INTU: variants seen among roughly 807,000 people sequenced by gnomAD.
INTU encodes inturned planar cell polarity protein, also known as protein inturned.
A neutral mutation model predicts 100.5 loss-of-function variants in INTU; 68 were observed. The ratio of observed to expected loss-of-function variants is 0.68; its 90% confidence interval spans 0.56 to 0.83. The LOEUF (loss-of-function observed/expected upper bound fraction) is 0.83, where lower values mean the gene tolerates loss of function less well. Ranked by LOEUF, INTU falls within the 40% of genes least tolerant of loss-of-function variation. The pLI, the probability that INTU is intolerant of heterozygous loss-of-function variation, is 0.00. For missense variants in INTU, 1,071 were observed against 1,114.7 expected, an observed-to-expected ratio of 0.96 and a Z score of 0.56; for synonymous variants, 357 against 395.7, an observed-to-expected ratio of 0.90 and a Z score of 1.16.
At chr4:127,694,107 C>A (rs1730275859) in intron 8 of INTU, among the ~76,000 whole-genome samples, 1 of 152,070 alleles carries the variant, frequency 6.6e-6, no homozygotes, top group Admixed American at 6.6e-5. Context: ...GGAAGGATCC[C>A]TCTTTTTCTG....
At position 127,723,180 on chromosome 4, in the gene INTU, C is replaced by CT. The variant is rs1731371177; in HGVS notation, c.*6747dup. The CT allele has an allele frequency of 6.6e-6, 1 of 152,136 alleles. No individual in the cohort carries two copies. Among genetic ancestry groups the CT allele is most frequent in the Admixed American group, 6.5e-5 (1 of 15,276 alleles). The allele number at this position is 152,136 out of a possible 1,614,324, so 9.4% of individuals were successfully genotyped here. ...TCCCTTGGCTGGACGAGGGAGTTCA[C>CT]TTTGCTGCGTGCAGTTCCTGGATGG... On this transcript the variant is annotated 3_prime_UTR_variant, in exon 16 of 16. Transcript: ENST00000335251.
chr4:127,692,939 T>G (rs1159674976), intron 8 of INTU, among the ~76,000 whole-genome samples: 2 of 152,082 alleles, frequency 1.3e-5, no homozygotes, highest in Admixed American at 1.3e-4. Flanking sequence ...TGTTCCATTG[T>G]TCTATGTGCC....
At chr4:127,677,351 C>A (rs546366404) in intron 6 of INTU, among the ~76,000 whole-genome samples, 22 of 151,250 alleles carry the variant, frequency 1.5e-4, no homozygotes, top group African/African-American at 5.4e-4. Flanking sequence ...GAGGCACCCC[C>A]CAGTAGGGGC....
rs1303095535 is a variant in INTU at position 127,706,705 on chromosome 4, T to G, written c.2007T>G (p.Asp669Glu). Reference protein sequence around the residue: ...WFLTGSREKTDSLTTSPILSR... With the variant: ...WFLTGSREKTESLTTSPILSR... ...TTACTGGATCACGTGAAAAAACAGA[T>G]AGCTTGACCACTTCGCCTATTCTCA... is the stretch of plus-strand genomic sequence containing the variant. The change falls in exon 12 of 16, where the codon GAT (aspartate) becomes GAG (glutamate). Residue 669 changes from aspartate to glutamate, a missense_variant. Physicochemically the swap from Asp to Glu is conservative, Grantham distance 45. Coordinates refer to ENST00000335251, the MANE Select transcript of INTU (RefSeq NM_015693.4). 1.9e-6 allele frequency: 3 copies of G among 1,613,952 alleles called. No individual in the cohort carries two copies. The highest frequency in any genetic ancestry group is 2.2e-5 in the East Asian group (1 of 44,882).
intron 2 of INTU, among the ~76,000 whole-genome samples, chr4:127,645,320 A>G: frequency 6.6e-6 from 1 of 151,904 alleles, no homozygotes; most frequent in South Asian, 2.1e-4. Flanking sequence ...TGCCCTTAGA[A>G]CCCAGTCACC....
At position 127,633,157 on chromosome 4, in the gene INTU, T is replaced by C. The variant is rs199821284; in HGVS notation, c.123T>C (p.Tyr41=). Reference sequence around the variant, plus strand: ...ATCGGGTCAGCGACTCGGGTTCATATTCCTCAGCGAGTAGCGATTATGAGT... The same window carrying C: ...ATCGGGTCAGCGACTCGGGTTCATACTCCTCAGCGAGTAGCGATTATGAGT... ...FEDRVSDSGS[Y]SSASSDYDDL... Residue 41 remains tyrosine, a synonymous_variant, in exon 1 of 16, where the codon TAT becomes TAC. Coordinates refer to ENST00000335251, the MANE Select transcript of INTU (RefSeq NM_015693.4). 14 of 1,613,930 alleles carry C rather than the reference T, an allele frequency of 8.7e-6. No individual in the cohort carries two copies. The East Asian group carries it at 2.9e-4, about 33-fold the overall frequency.
chr4:127,633,389 GT>G (rs1015588628), intron 1 of INTU, among the ~76,000 whole-genome samples: 1 of 152,078 alleles, frequency 6.6e-6, no homozygotes, highest in Non-Finnish European at 1.5e-5. Context: ...GTTGTTTTTT[GT>G]TTGTTTTGTT....
At chr4:127,646,330 G>T (rs975072381) in intron 2 of INTU, among the ~76,000 whole-genome samples, 1 of 151,998 alleles carries the variant, frequency 6.6e-6, no homozygotes, top group Admixed American at 6.6e-5. Context: ...TCTATGGTTT[G>T]TTCTTTTAGT....
chr4:127,648,844 C>T (rs1727702988), intron 2 of INTU, among the ~76,000 whole-genome samples: 1 of 151,376 alleles, frequency 6.6e-6, no homozygotes, highest in Non-Finnish European at 1.5e-5. Context: ...TCCAAGTGGA[C>T]TTCAAGTTGA....
Position 127,706,626 on chromosome 4 carries a change from A to G in INTU, c.1928A>G (p.Asp643Gly). Residue 643 changes from aspartate (D) to glycine (G), a missense_variant, in exon 12 of 16, where the codon GAT becomes GGT. Transcript: ENST00000335251. The part of the protein sequence containing the change: ...HQLDGVDSRI[D>G]ERLASSPVPC... The stretch of plus-strand genomic sequence containing the variant: ...CTGGATGGAGTAGATTCTCGCATAG[A>G]TGAACGGCTAGCATCTTCTCCAGTC... 6.2e-7 allele frequency: 1 copy of G among 1,614,100 alleles called. No homozygotes were observed. Among genetic ancestry groups the G allele is most frequent in the South Asian group, 1.1e-5 (1 of 91,076 alleles).
At chr4:127,664,947 A>G (rs1158127746) in intron 4 of INTU, among the ~76,000 whole-genome samples, 1 of 151,806 alleles carries the variant, frequency 6.6e-6, no homozygotes, top group African/African-American at 2.4e-5. Flanking sequence ...TGCTTGTATC[A>G]TTATTCTTGC....
chr4:127,708,246 G>C (rs895644930), intron 12 of INTU, among the ~76,000 whole-genome samples: 13 of 152,150 alleles, frequency 8.5e-5, no homozygotes, highest in African/African-American at 3.1e-4. Flanking sequence ...CTACACAAAG[G>C]AGATACAGAG....
In INTU at chr4:127,643,671, T is replaced by G. The variant is rs566043904; in HGVS notation, c.297T>G (p.Asp99Glu). The stretch of plus-strand genomic sequence containing the variant: ...GTGAAAATGAGATTATCATTGAAGA[T>G]GACTACAAAGAAAGAAAAAAGTATG... ...RFSENEIIIE[D>E]DYKERKKYEP... is the part of the protein sequence containing the mutation. Residue 99 changes from aspartate to glutamate, a missense_variant, in exon 2 of 16, where the codon GAT becomes GAG. By Grantham distance (45) the Asp-to-Glu change is conservative. Transcript: ENST00000335251. The G allele has an allele frequency of 1.9e-6, 3 of 1,613,500 alleles. No homozygotes were observed. In the South Asian group the frequency reaches 3.3e-5, roughly 18 times the overall value.
chr4:127,657,177 C>G (rs1471962112), intron 3 of INTU, among the ~76,000 whole-genome samples: 1 of 151,770 alleles, frequency 6.6e-6, no homozygotes, highest in Admixed American at 6.6e-5. Context: ...TTTAATTAAG[C>G]TTTTCTCCTG....
chr4:127,633,121 T>A lies in INTU; in HGVS notation c.87T>A (p.Tyr29Ter). Reference sequence around the variant, plus strand: ...CTTCACAAGAAGAAGATGAGGACTATGATTTTGAAGATCGGGTCAGCGACT... The same window carrying A: ...CTTCACAAGAAGAAGATGAGGACTAAGATTTTGAAGATCGGGTCAGCGACT... The part of the protein sequence containing the change: ...DPSSQEEDED[Y>*]DFEDRVSDSG... The change falls in exon 1 of 16, where the codon TAT becomes TAA. Residue 29 changes from tyrosine (Y) to a stop codon, truncating the protein, a stop_gained. Transcript: ENST00000335251. LOFTEE classifies it high-confidence loss of function. The A allele has an allele frequency of 6.2e-7, 1 of 1,614,122 alleles. No homozygotes were observed. The highest frequency in any genetic ancestry group is 1.1e-5 in the South Asian group (1 of 91,080).
At chr4:127,692,952 A>AT (rs1730217465) in intron 8 of INTU, among the ~76,000 whole-genome samples, 1 of 151,514 alleles carries the variant, frequency 6.6e-6, no homozygotes. Context: ...TATGTGCCTA[A>AT]TTTTTATACC....
chr4:127,698,051 C>T (rs749786828), intron 8 of INTU, among the ~76,000 whole-genome samples: 1 of 152,124 alleles, frequency 6.6e-6, no homozygotes, highest in East Asian at 1.9e-4. Flanking sequence ...ACCTGGGAGG[C>T]GGAGGTTGCG....
chr4:127,677,222 A>C (rs767310160), intron 6 of INTU, among the ~76,000 whole-genome samples: 72 of 151,404 alleles, frequency 4.8e-4, no homozygotes, highest in Admixed American at 8.6e-4. Flanking sequence ...TTAAATGTCC[A>C]TGTCTGACAG....
chr4:127,700,905 G>A (rs1323766321), intron 9 of INTU, among the ~76,000 whole-genome samples: 2 of 152,100 alleles, frequency 1.3e-5, no homozygotes, highest in Non-Finnish European at 2.9e-5. Flanking sequence ...ATATGTCAAG[G>A]TTACCAAACA....
Sources: gnomAD v4.1 joint callset for allele counts (sites outside exome capture counted in the v4.1 genomes callset) on GRCh38, gnomAD v4.1.1 for gene constraint, MANE v1.5 for transcripts, NCBI Gene and HGNC (gene_info 2026-07-23, HGNC 2026-07-21) for gene names.